MROH9: variants seen among roughly 807,000 people sequenced by gnomAD.
MROH9 encodes the protein maestro heat-like repeat-containing protein family member 9.
MROH9 carries 92 observed loss-of-function variants against 98.2 expected under a neutral mutation model. The observed-to-expected ratio is 0.94, with a 90% CI of 0.79 to 1.11. The LOEUF is 1.11. MROH9 is among the 50% of genes most tolerant of loss of function. MROH9 has a pLI of 0.00. For missense variants in MROH9, 1,057 were observed against 1,014.8 expected (o/e 1.04, Z -0.57); for synonymous variants, 397 against 368.9 (o/e 1.08, Z -0.87).
chr1:170,965,922 C>T (rs1650218445), intron 7 of MROH9, among the ~76,000 whole-genome samples: 2 of 151,992 alleles, frequency 1.3e-5, no homozygotes, highest in South Asian at 4.1e-4. Context: ...TATGTAGATT[C>T]ATTTTATTAT....
At chr1:170,965,985 A>G (rs975714387) in intron 7 of MROH9, among the ~76,000 whole-genome samples, 1 of 152,128 alleles carries the variant, frequency 6.6e-6, no homozygotes, top group Admixed American at 6.6e-5. Flanking sequence ...CCATTTAGCT[A>G]TTTTTCAGTT....
At chr1:170,974,178 T>C (rs944886109) in intron 8 of MROH9, among the ~76,000 whole-genome samples, 1 of 152,152 alleles carries the variant, frequency 6.6e-6, no homozygotes, top group African/African-American at 2.4e-5. Context: ...ATGTCTAATA[T>C]GAGTCTCTGA....
At chr1:171,035,598 C>T (rs1217140305) in intron 20 of MROH9, among the ~76,000 whole-genome samples, 2 of 151,798 alleles carry the variant, frequency 1.3e-5, no homozygotes. Context: ...AAAAAAACCA[C>T]CTAATAGAAA....
chr1:170,935,581 C>G lies in MROH9; in HGVS notation c.-44C>G, dbSNP rs1648841976. 1 of 152,178 alleles carries G rather than the reference C, an allele frequency of 6.6e-6. No homozygotes were observed. The highest frequency in any genetic ancestry group is 2.4e-5 in the African/African-American group (1 of 41,448). The allele number at this position is 152,178 out of a possible 1,614,324, so 9.4% of individuals were successfully genotyped here. ...TCTCACCGTGATTACAGAGAAGTTA[C>G]AAATATGTAAGTGAATTCCTATTAA... On this transcript the variant is annotated 5_prime_UTR_variant, in exon 1 of 22. Transcript: ENST00000367759.
At chr1:171,045,233 C>A (rs1394977248) in intron 20 of MROH9, among the ~76,000 whole-genome samples, 1 of 151,688 alleles carries the variant, frequency 6.6e-6, no homozygotes, top group African/African-American at 2.4e-5. Flanking sequence ...ATCTCCTGAC[C>A]TCGTGATCCG....
At chr1:171,019,920 A>G (rs2101837622) in intron 17 of MROH9, among the ~76,000 whole-genome samples, 1 of 152,308 alleles carries the variant, frequency 6.6e-6, no homozygotes, top group East Asian at 1.9e-4. Context: ...ACAATAAAAA[A>G]TGATAAGGGG....
intron 9 of MROH9, among the ~76,000 whole-genome samples, chr1:170,983,873 C>T (rs1024264300): frequency 2.0e-5 from 3 of 152,108 alleles, no homozygotes; most frequent in East Asian, 1.9e-4. Flanking sequence ...AATTAACAGT[C>T]GTCAGTTAAC....
At position 171,024,503 on chromosome 1, in the gene MROH9, C is replaced by T. The variant is rs2101842136; in HGVS notation, c.2017C>T (p.Pro673Ser). ...VNDVVLEGLV[P>S]LILFLEDDDK... Reference sequence around the variant, plus strand: ...TGATGTGGTTCTAGAAGGCTTGGTGCCCCTAATCCTATTTTTGGAGGATGA... The same window carrying T: ...TGATGTGGTTCTAGAAGGCTTGGTGTCCCTAATCCTATTTTTGGAGGATGA... The change falls in exon 18 of 22, where the codon CCC (proline) becomes TCC (serine). Residue 673 changes from proline to serine, a missense_variant. Coordinates refer to ENST00000367759, the MANE Select transcript of MROH9 (RefSeq NM_001163629.2). The T allele has an allele frequency of 6.5e-7, 1 of 1,539,622 alleles. No homozygotes were observed. Among genetic ancestry groups the T allele is most frequent in the Non-Finnish European group, 8.8e-7 (1 of 1,142,786 alleles).
At chr1:171,019,661 A>T (rs1163693713) in intron 17 of MROH9, among the ~76,000 whole-genome samples, 2 of 151,828 alleles carry the variant, frequency 1.3e-5, no homozygotes, top group Non-Finnish European at 2.9e-5. Context: ...AAAAAAAAAA[A>T]TGCTAGAAAT....
chr1:170,958,555 C>T lies in MROH9; in HGVS notation c.152+15C>T. The T allele has an allele frequency of 6.5e-7, 1 of 1,533,892 alleles. No homozygotes were observed. The highest frequency in any genetic ancestry group is 8.9e-7 in the Non-Finnish European group (1 of 1,121,982). ...GTGAACTCCAGGTATGATAAGCTAT[C>T]ATGCTCTTTTATTTCACTAATTGGA... On this transcript the variant is annotated intron_variant, in intron 4 of 21. Transcript: ENST00000367759.
intron 1 of MROH9, among the ~76,000 whole-genome samples, chr1:170,937,819 G>A (rs1040658077): frequency 5.9e-5 from 9 of 152,184 alleles, no homozygotes; most frequent in South Asian, 4.1e-4. Context: ...CACCGCGCCC[G>A]GCCCATAATC....
At chr1:170,998,513 T>C in intron 15 of MROH9, 3 of 1,451,094 alleles carry the variant, frequency 2.1e-6, no homozygotes, top group Non-Finnish European at 2.7e-6. Context: ...GGGGTGTGAA[T>C]TTGTACAAAA....
chr1:170,984,341 G>T (rs1224486587), intron 9 of MROH9, among the ~76,000 whole-genome samples: 1 of 152,196 alleles, frequency 6.6e-6, no homozygotes, highest in East Asian at 1.9e-4. Flanking sequence ...ATATGCAGAA[G>T]CAATACATCT....
chr1:171,049,978 G>A (rs1571168298), intron 20 of MROH9, among the ~76,000 whole-genome samples: 1 of 152,206 alleles, frequency 6.6e-6, no homozygotes, highest in East Asian at 1.9e-4. Flanking sequence ...CACCATGCCT[G>A]GACTATTTTC....
chr1:171,037,531 T>G (rs1653143250), intron 20 of MROH9, among the ~76,000 whole-genome samples: 1 of 152,052 alleles, frequency 6.6e-6, no homozygotes, highest in South Asian at 2.1e-4. Flanking sequence ...TGTCAATTTT[T>G]TTTTCTAAAT....
chr1:170,935,982 C>CAAAAAAAAAAA (rs59883013), intron 1 of MROH9, among the ~76,000 whole-genome samples: 1,127 of 62,038 alleles, frequency 0.018, 2 homozygotes, highest in Non-Finnish European at 0.025. Flanking sequence ...CAGAGTGAGA[C>CAAAAAAAAAAA]AAAAAAAAAA....
At chr1:171,042,500 A>G (rs1246426872) in intron 20 of MROH9, among the ~76,000 whole-genome samples, 1 of 152,100 alleles carries the variant, frequency 6.6e-6, no homozygotes, top group African/African-American at 2.4e-5. Context: ...TTGGGTATAT[A>G]CCCAGCAGTG....
At chr1:171,064,060 AAG>A (rs1654094094) in intron 21 of MROH9, 37 bp from the exon 22 acceptor site, 5 of 1,507,922 alleles carry the variant, frequency 3.3e-6, no homozygotes, top group Non-Finnish European at 4.4e-6. Flanking sequence ...GCCTCTAAGA[AAG>A]AGATAACTTG....
chr1:170,959,618 A>G (rs757382134), intron 5 of MROH9, 21 bp downstream of exon 5: 1 of 1,608,366 alleles, frequency 6.2e-7, no homozygotes, highest in South Asian at 1.1e-5. Context: ...TCTTCCTTTA[A>G]TCATTATAGG....
Sources: gnomAD v4.1 joint callset for allele counts (sites outside exome capture counted in the v4.1 genomes callset) on GRCh38, gnomAD v4.1.1 for gene constraint, MANE v1.5 for transcripts, NCBI Gene and HGNC (gene_info 2026-07-23, HGNC 2026-07-21) for gene names.